The following BICC1 variants were observed in gnomAD, a reference collection of about 807,000 sequenced individuals.
The protein encoded by BICC1 is protein bicaudal C homolog 1.
A neutral mutation model predicts 111.0 loss-of-function variants in BICC1; 43 were observed. The ratio of observed to expected loss-of-function variants is 0.39; its 90% CI spans 0.30 to 0.50. The LOEUF is 0.50. BICC1 is among the 20% of genes least tolerant of loss of function. BICC1 has a pLI of 0.88. For missense variants in BICC1, 1,091 were observed against 1,203.2 expected, an observed-to-expected ratio of 0.91 and a Z score of 1.38; for synonymous variants, 467 against 434.4, an observed-to-expected ratio of 1.07 and a Z score of -0.93.
intron 3 of BICC1, among the ~76,000 whole-genome samples, chr10:58,737,511 G>A (rs1225785232): frequency 3.3e-5 from 5 of 152,150 alleles, no homozygotes; most frequent in African/African-American, 7.2e-5. Context: ...ATGGACATTT[G>A]GGTTGGTTCC....
upstream of BICC1, among the ~76,000 whole-genome samples, chr10:58,512,781 G>C (rs1842122699): frequency 6.6e-6 from 1 of 151,132 alleles, no homozygotes; most frequent in South Asian, 2.1e-4. Context: ...CCGTGGGCTG[G>C]CCGGGCCAAT....
chr10:58,720,690 C>A lies in BICC1; in HGVS notation c.307+18547C>A, dbSNP rs751767581. Among the ~76,000 whole-genome samples, 68 of 152,198 alleles carry A rather than the reference C, an allele frequency of 4.5e-4. 1 individual carries two copies. The highest frequency in any genetic ancestry group is 1.6e-3 in the African/African-American group (67 of 41,520). ...ATAAGGTTGGACAGGTAGAGGAGAT[C>A]GGTGACAGCCGGTGACCTTGTGAGA... On this transcript the variant is annotated intron_variant, in intron 3 of 20. Transcript: ENST00000373886.
At chr10:58,789,515 T>C in intron 7 of BICC1, 59 bp downstream of exon 7, 1 of 1,524,184 alleles carries the variant, frequency 6.6e-7, no homozygotes, top group Non-Finnish European at 8.9e-7. Flanking sequence ...AGTTTCATTT[T>C]TAAAGAATAT....
chr10:58,668,425 C>G (rs1395913903), intron 2 of BICC1, among the ~76,000 whole-genome samples: 35 of 151,952 alleles, frequency 2.3e-4, no homozygotes, highest in Admixed American at 2.3e-3. Flanking sequence ...TGCTCTGAAT[C>G]TCACCTTTAG....
At chr10:58,807,222 TC>T in intron 17 of BICC1, 64 bp downstream of exon 17, 1 of 1,472,488 alleles carries the variant, frequency 6.8e-7, no homozygotes, top group South Asian at 1.3e-5. Flanking sequence ...GGACAGTCCT[TC>T]CCCCACCCTC....
Position 58,513,429 on chromosome 10 carries a change from A to G in BICC1, c.190+96A>G, listed in dbSNP as rs1222903690. 6.6e-6 allele frequency: 8 copies of G among 1,203,482 alleles called. No individual in the cohort carries two copies. In the African/African-American group the frequency reaches 8.0e-5, roughly 12 times the overall value. The allele number at this position is 1,203,482 out of a possible 1,614,324, so 74.6% of individuals were successfully genotyped here. ...GCTCCGGCGCCCGCTACTCCAGCCTACGGCCGGCCGGTTTAGCTCCAGGCC... is the reference window on the plus strand; with the variant it reads ...GCTCCGGCGCCCGCTACTCCAGCCTGCGGCCGGCCGGTTTAGCTCCAGGCC... On this transcript the variant is annotated intron_variant, in intron 1 of 20. Transcript: ENST00000373886.
At chr10:58,525,684 T>C (rs3001713) in intron 1 of BICC1, among the ~76,000 whole-genome samples, 68,171 of 149,392 alleles carry the variant, frequency 0.46, 16,703 homozygotes, top group Admixed American at 0.62. Context: ...GCACGTTGTG[T>C]ACATGTACCC....
At chr10:58,685,624 G>A (rs900859060) in intron 2 of BICC1, among the ~76,000 whole-genome samples, 6 of 151,934 alleles carry the variant, frequency 3.9e-5, no homozygotes, top group African/African-American at 1.4e-4. Context: ...TTATGTAATG[G>A]CCTTCTTTGT....
At chr10:58,801,078 T>C (rs753820940) in intron 14 of BICC1, 32 bp downstream of exon 14, 1 of 1,529,700 alleles carries the variant, frequency 6.5e-7, no homozygotes, top group East Asian at 2.4e-5. Flanking sequence ...GAGCCCTTGA[T>C]ATTTTGAAAT....
chr10:58,730,144 T>A (rs1292958137), intron 3 of BICC1, among the ~76,000 whole-genome samples: 1 of 152,084 alleles, frequency 6.6e-6, no homozygotes, highest in Non-Finnish European at 1.5e-5. Flanking sequence ...CAAGATACAA[T>A]GAAGGTATAG....
chr10:58,672,571 C>A (rs1222807067), intron 2 of BICC1, among the ~76,000 whole-genome samples: 1 of 152,080 alleles, frequency 6.6e-6, no homozygotes, highest in Non-Finnish European at 1.5e-5. Context: ...GTAAATTTTT[C>A]ATGACACTTA....
At chr10:58,566,664 A>C (rs1352874183) in intron 1 of BICC1, among the ~76,000 whole-genome samples, 1 of 151,810 alleles carries the variant, frequency 6.6e-6, no homozygotes, top group East Asian at 1.9e-4. Context: ...ATCATCATCT[A>C]TTATTTTTTG....
intron 2 of BICC1, among the ~76,000 whole-genome samples, chr10:58,639,567 GTTTTTTT>G (rs141399509): frequency 1.1e-5 from 1 of 89,944 alleles, no homozygotes. Flanking sequence ...CCAGCTAATT[GTTTTTTT>G]TTTTTTTTTT....
chr10:58,585,248 C>T (rs1328658281), intron 1 of BICC1, among the ~76,000 whole-genome samples: 1 of 152,156 alleles, frequency 6.6e-6, no homozygotes, highest in Non-Finnish European at 1.5e-5. Context: ...TCTGTGTGGT[C>T]TGTTCCTGTC....
intron 3 of BICC1, among the ~76,000 whole-genome samples, chr10:58,748,363 T>C (rs747786241): frequency 5.9e-5 from 9 of 151,984 alleles, no homozygotes; most frequent in Non-Finnish European, 8.8e-5. Flanking sequence ...TACATTGAGA[T>C]TTAGCCCAGG....
At chr10:58,683,059 G>T (rs61874075) in intron 2 of BICC1, among the ~76,000 whole-genome samples, 3 of 152,020 alleles carry the variant, frequency 2.0e-5, no homozygotes, top group African/African-American at 7.2e-5. Context: ...TAATTTTTGT[G>T]TAAGGTGTAA....
At position 58,702,150 on chromosome 10, in the gene BICC1, T is replaced by A. The variant is rs1343291818; in HGVS notation, c.307+7T>A. 5 of 1,608,300 alleles carry A rather than the reference T, an allele frequency of 3.1e-6. No individual in the cohort carries two copies. In the East Asian group the frequency reaches 1.1e-4, roughly 36 times the overall value. On this transcript the variant is annotated splice_region_variant and intron_variant, in intron 3 of 20. Transcript: ENST00000373886. ...GGAGCCAAATCCAAGAAAGGTAAAT[T>A]GTGAGAGGGCAAGAAATAGGTGGTT...
chr10:58,587,187 C>T (rs1043790907), intron 1 of BICC1, among the ~76,000 whole-genome samples: 1 of 152,126 alleles, frequency 6.6e-6, no homozygotes. Flanking sequence ...CTTCTGTGTT[C>T]ATGCATACGT....
At chr10:58,700,546 G>A (rs1840200860) in intron 2 of BICC1, among the ~76,000 whole-genome samples, 2 of 152,224 alleles carry the variant, frequency 1.3e-5, no homozygotes, top group African/African-American at 4.8e-5. Context: ...GAGCTCACCT[G>A]CCTTCAGGGC....
Sources: allele counts gnomAD v4.1 joint callset (sites outside exome capture counted in the v4.1 genomes callset), GRCh38; gene constraint gnomAD v4.1.1; transcripts MANE v1.5; gene names NCBI Gene and HGNC (gene_info 2026-07-23, HGNC 2026-07-21).